The following CTNND2 variants were observed in gnomAD, a reference collection of about 807,000 sequenced individuals.
CTNND2 encodes the protein catenin delta 2.
In CTNND2, 22 loss-of-function variants were observed where a neutral mutation model predicts 144.4. The ratio of observed to expected loss-of-function variants is 0.15; its 90% confidence interval spans 0.11 to 0.22. The LOEUF is 0.22. CTNND2 is among the 10% of genes least tolerant of loss of function. The pLI, the probability that CTNND2 is intolerant of heterozygous loss-of-function variation, is 1.00. For missense variants in CTNND2, 1,353 were observed against 1,618.8 expected (o/e 0.84, Z 2.82); for synonymous variants, 751 against 695.6 (o/e 1.08, Z -1.25).
intron 3 of CTNND2, among the ~76,000 whole-genome samples, chr5:11,457,282 T>C (rs565024866): frequency 6.6e-6 from 1 of 152,130 alleles, no homozygotes; most frequent in South Asian, 2.1e-4. Flanking sequence ...TGCATGCCTG[T>C]AGTCCCAGCT....
intron 1 of CTNND2, among the ~76,000 whole-genome samples, chr5:11,813,999 CT>C (rs1292741715): frequency 6.6e-6 from 1 of 152,296 alleles, no homozygotes; most frequent in African/African-American, 2.4e-5. Flanking sequence ...CATGAAATTA[CT>C]AATAGAATGA....
intron 16 of CTNND2, among the ~76,000 whole-genome samples, chr5:11,074,122 G>A (rs1470117696): frequency 6.6e-6 from 1 of 152,172 alleles, no homozygotes; most frequent in Non-Finnish European, 1.5e-5. Context: ...ATTCGTCAGG[G>A]CCAAGAGCAC....
chr5:11,128,799 A>ATAT (rs547436020), intron 12 of CTNND2, among the ~76,000 whole-genome samples: 27,910 of 56,988 alleles, frequency 0.49, 7,328 homozygotes, highest in Non-Finnish European at 0.55. Flanking sequence ...TATATATTAT[A>ATAT]TATATACAAT....
intron 8 of CTNND2, among the ~76,000 whole-genome samples, chr5:11,360,320 G>GT (rs949274790): frequency 2.0e-5 from 3 of 152,116 alleles, no homozygotes; most frequent in African/African-American, 4.8e-5. Flanking sequence ...AATGTCTGAA[G>GT]TTTTTTTTCT....
At chr5:11,347,226 G>C (rs61750704) in intron 8 of CTNND2, among the ~76,000 whole-genome samples, 1 of 152,146 alleles carries the variant, frequency 6.6e-6, no homozygotes, top group African/African-American at 2.4e-5. Context: ...ACTCCCGAAA[G>C]ATTTTTATAT....
intron 20 of CTNND2, among the ~76,000 whole-genome samples, chr5:10,983,667 C>T (rs1247747812): frequency 6.6e-6 from 1 of 152,186 alleles, no homozygotes; most frequent in Non-Finnish European, 1.5e-5. Flanking sequence ...TGGACCATTG[C>T]TACCAAATCC....
chr5:11,308,554 T>G (rs578230085), intron 9 of CTNND2, among the ~76,000 whole-genome samples: 2 of 152,374 alleles, frequency 1.3e-5, no homozygotes, highest in East Asian at 1.9e-4. Flanking sequence ...TCACTTCCCC[T>G]AACGTTCCAC....
chr5:11,695,660 C>T (rs534862391), intron 2 of CTNND2, among the ~76,000 whole-genome samples: 2 of 152,118 alleles, frequency 1.3e-5, no homozygotes, highest in Non-Finnish European at 2.9e-5. Flanking sequence ...ATGCAGAGTT[C>T]CTTTTACTTA....
rs543968792 is a variant in CTNND2 at position 11,766,998 on chromosome 5, C to T, written c.38-34726G>A. ...ATGCCAGAGCTCACCCTGAGACCCA[C>T]CCCACCCCACTGCACAACACTCCAT... On this transcript the variant is annotated intron_variant, in intron 1 of 21. Transcript: ENST00000304623. Among the ~76,000 whole-genome samples the T allele has an allele frequency of 1.1e-4, 17 of 152,120 alleles. 1 individual carries two copies. The highest frequency in any genetic ancestry group is 3.6e-4 in the African/African-American group (15 of 41,440).
chr5:11,148,314 A>G (rs529122012), intron 12 of CTNND2, among the ~76,000 whole-genome samples: 7 of 152,324 alleles, frequency 4.6e-5, no homozygotes, highest in African/African-American at 1.4e-4. Context: ...GGCTAATTTG[A>G]TGTTATGTAA....
At chr5:11,223,882 A>C (rs1740049346) in intron 10 of CTNND2, among the ~76,000 whole-genome samples, 1 of 152,230 alleles carries the variant, frequency 6.6e-6, no homozygotes, top group African/African-American at 2.4e-5. Flanking sequence ...AGGAGCAGGC[A>C]GTGGAGATAG....
At chr5:11,280,518 T>C (rs759231090) in intron 9 of CTNND2, among the ~76,000 whole-genome samples, 30 of 152,168 alleles carry the variant, frequency 2.0e-4, no homozygotes, top group Non-Finnish European at 1.5e-4. Flanking sequence ...TCAAACTCTA[T>C]TTCCTCCTCT....
intron 6 of CTNND2, among the ~76,000 whole-genome samples, chr5:11,396,562 A>C (rs190939816): frequency 1.2e-4 from 19 of 152,342 alleles, no homozygotes; most frequent in Admixed American, 2.0e-4. Context: ...ATCATTTTCC[A>C]AACAGTTCTG....
chr5:11,302,208 G>C (rs748942973), intron 9 of CTNND2, among the ~76,000 whole-genome samples: 1 of 152,158 alleles, frequency 6.6e-6, no homozygotes. Context: ...TGAGAGGAAG[G>C]AAAGAAGGGA....
At chr5:11,355,651 T>C (rs1755787930) in intron 8 of CTNND2, among the ~76,000 whole-genome samples, 1 of 152,158 alleles carries the variant, frequency 6.6e-6, no homozygotes, top group South Asian at 2.1e-4. Flanking sequence ...TCACCACTTC[T>C]ATTCAACATA....
intron 9 of CTNND2, among the ~76,000 whole-genome samples, chr5:11,330,344 C>A (rs577013381): frequency 1.8e-3 from 262 of 146,486 alleles, no homozygotes; most frequent in African/African-American, 6.4e-3. Flanking sequence ...ATTAGCCGGG[C>A]GTGGTGGCGG....
At chr5:11,168,428 T>C (rs1482249136) in intron 11 of CTNND2, among the ~76,000 whole-genome samples, 1 of 152,228 alleles carries the variant, frequency 6.6e-6, no homozygotes, top group Non-Finnish European at 1.5e-5. Flanking sequence ...CATGGGTTCA[T>C]CTTTGATCAC....
intron 9 of CTNND2, among the ~76,000 whole-genome samples, chr5:11,337,547 A>T (rs761615918): frequency 6.6e-6 from 1 of 152,228 alleles, no homozygotes; most frequent in Non-Finnish European, 1.5e-5. Flanking sequence ...TAAATCCCAT[A>T]GATAACACAT....
At chr5:11,029,952 T>C (rs2149549557) in intron 16 of CTNND2, among the ~76,000 whole-genome samples, 1 of 152,292 alleles carries the variant, frequency 6.6e-6, no homozygotes, top group South Asian at 2.1e-4. Flanking sequence ...GGTCTAGTGG[T>C]AGTGAACTCT....
Sources: gnomAD v4.1 joint callset for allele counts (sites outside exome capture counted in the v4.1 genomes callset) on GRCh38, gnomAD v4.1.1 for gene constraint, MANE v1.5 for transcripts, NCBI Gene and HGNC (gene_info 2026-07-23, HGNC 2026-07-21) for gene names.